The following NKX2-6 variants were observed in gnomAD, a reference collection of about 807,000 sequenced individuals.
The protein encoded by NKX2-6 is NK2 homeobox 6.
NKX2-6 carries 8 observed loss-of-function variants against 8.6 expected under a neutral mutation model. The observed-to-expected ratio is 0.93, with a 90% CI of 0.54 to 1.67. NKX2-6 has a LOEUF of 1.67. NKX2-6 is among the 40% of genes most tolerant of loss of function. NKX2-6 has a pLI of 0.00. For missense variants in NKX2-6, 475 were observed against 423.1 expected, an observed-to-expected ratio of 1.12 and a Z score of -1.08; for synonymous variants, 210 against 199.3, an observed-to-expected ratio of 1.05 and a Z score of -0.45.
Position 23,702,320 on chromosome 8 carries a change from T to A in NKX2-6, c.*131A>T. On this transcript the variant is annotated 3_prime_UTR_variant, in exon 2 of 2. Coordinates refer to ENST00000325017, the MANE Select transcript of NKX2-6 (RefSeq NM_001136271.3). ...GTGGTGCAGATCGCAGTTTCAGAGA[T>A]CCCTCCGGAAAGAAGCGCCGTTGGG... 1 of 1,020,806 alleles carries A rather than the reference T, an allele frequency of 9.8e-7. No individual in the cohort carries two copies. The highest frequency in any genetic ancestry group is 1.9e-5 in the South Asian group (1 of 53,282). 63.2% of individuals were successfully genotyped at this position (1,020,806 alleles called of 1,614,324 possible). A position where few individuals can be genotyped will look rare whatever the true frequency, so the allele number is the denominator to read the frequency against.
rs750993157 is a variant in NKX2-6, at chr8:23,706,546, C to T, written c.53G>A (p.Arg18Gln). ...GGGGCAGCTCCGCTCGCGCTCCAGT[C>T]GCAGGATGTCCTTGACCGAGAAGGG... ...STPFSVKDILRLERERSCPAA... is the reference protein window; with the variant it reads ...STPFSVKDILQLERERSCPAA... Residue 18 changes from arginine (R) to glutamine (Q), a missense_variant, in exon 1 of 2, where the codon CGA becomes CAA. Physicochemically the swap from Arg to Gln is conservative, Grantham distance 43 (BLOSUM62 1). Transcript: ENST00000325017. The T allele has an allele frequency of 2.6e-6, 4 of 1,536,542 alleles. 1 individual carries two copies. The highest frequency in any genetic ancestry group is 2.4e-5 in the South Asian group (2 of 84,054).
Position 23,706,288 on chromosome 8 carries a change from TC to T in NKX2-6, c.274+36del, listed in dbSNP as rs749203138. The stretch of plus-strand genomic sequence containing the variant: ...ATGGATCACGCCCCCGCCCCCACAT[TC>T]CCCCCGTAGGAGGCAAGACCTGAGC... On this transcript the variant is annotated intron_variant, in intron 1 of 1. Coordinates refer to ENST00000325017, the MANE Select transcript of NKX2-6 (RefSeq NM_001136271.3). 21 of 1,475,234 alleles carry T rather than the reference TC, an allele frequency of 1.4e-5. No homozygotes were observed. In the South Asian group the frequency reaches 1.6e-4, roughly 11 times the overall value. 91.4% of individuals were successfully genotyped at this position (1,475,234 alleles called of 1,614,324 possible).
chr8:23,702,627 A>G lies in NKX2-6; in HGVS notation c.730T>C (p.Tyr244His), dbSNP rs1322800785. Residue 244 changes from tyrosine to histidine, a missense_variant, in exon 2 of 2, where the codon TAC becomes CAC. By Grantham distance (83) the Tyr-to-His change is moderately conservative. Transcript: ENST00000325017. ...TAGGGTGCTCCGCTGTAGCCTCCGTAGCAAGAGTAGGGCGACACTGCTGCA... is the reference window on the plus strand; with the variant it reads ...TAGGGTGCTCCGCTGTAGCCTCCGTGGCAAGAGTAGGGCGACACTGCTGCA... The part of the protein sequence containing the change: ...YSAAVSPYSC[Y>H]GGYSGAPYGA... The G allele has an allele frequency of 6.5e-7, 1 of 1,549,000 alleles. No homozygotes were observed. The highest frequency in any genetic ancestry group is 1.2e-5 in the South Asian group (1 of 83,980).
Position 23,702,565 on chromosome 8 carries a change from G to T in NKX2-6, c.792C>A (p.Pro264=). The change falls in exon 2 of 2, where the codon CCC becomes CCA. Residue 264 remains proline (P), a synonymous_variant. Coordinates refer to ENST00000325017, the MANE Select transcript of NKX2-6 (RefSeq NM_001136271.3). Reference sequence around the variant, plus strand: ...GTGGTGTGTGTGGCGCAGGACCCGAGGGCGCGCCCGCGTAGCAGGTGCCGT... The same window carrying T: ...GTGGTGTGTGTGGCGCAGGACCCGATGGCGCGCCCGCGTAGCAGGTGCCGT... ...AGYGTCYAGA[P]SGPAPHTPLA... is the part of the protein sequence containing the mutation. 6.5e-7 allele frequency: 1 copy of T among 1,544,152 alleles called. No homozygotes were observed.
In NKX2-6 at chr8:23,702,371, C is replaced by G; in HGVS notation, c.*80G>C. The G allele has an allele frequency of 7.3e-7, 1 of 1,378,014 alleles. No homozygotes were observed. The highest frequency in any genetic ancestry group is 9.5e-7 in the Non-Finnish European group (1 of 1,052,796). The allele number at this position is 1,378,014 out of a possible 1,614,324, so 85.4% of individuals were successfully genotyped here. Reference sequence around the variant, plus strand: ...TAGCAGCTTCCTTCCAGCGCCGCGTCCCCTCCTTGTCACGACCTGCGGGCG... The same window carrying G: ...TAGCAGCTTCCTTCCAGCGCCGCGTGCCCTCCTTGTCACGACCTGCGGGCG... On this transcript the variant is annotated 3_prime_UTR_variant, in exon 2 of 2. Coordinates refer to ENST00000325017, the MANE Select transcript of NKX2-6 (RefSeq NM_001136271.3).
At position 23,706,374 on chromosome 8, in the gene NKX2-6, AC is replaced by A; in HGVS notation, c.224del (p.Gly75ValfsTer21). On this transcript the variant is annotated frameshift_variant, in exon 1 of 2. Coordinates refer to ENST00000325017, the MANE Select transcript of NKX2-6 (RefSeq NM_001136271.3). LOFTEE classifies it low-confidence loss of function (END_TRUNC). ...RKLDGSEPPG[G>X]PCEAVLEMDA... ...CCATCTCCAAGACTGCCTCACAGGG[AC>A]CCCCAGGAGGCTCCGAACCATCCAG... The A allele has an allele frequency of 1.3e-6, 2 of 1,550,788 alleles. No homozygotes were observed. The highest frequency in any genetic ancestry group is 1.7e-6 in the Non-Finnish European group (2 of 1,146,866).
At chr8:23,706,128 A>C (rs574119841) in intron 1 of NKX2-6, among the ~76,000 whole-genome samples, 197 bp downstream of exon 1, 10 of 152,286 alleles carry the variant, frequency 6.6e-5, no homozygotes, top group African/African-American at 1.9e-4. Flanking sequence ...TACTTTCGTT[A>C]GGGGTGTGTG....
chr8:23,702,517 G>C lies in NKX2-6; in HGVS notation c.840C>G (p.His280Gln). 1 of 1,533,448 alleles carries C rather than the reference G, an allele frequency of 6.5e-7. No homozygotes were observed. The highest frequency in any genetic ancestry group is 8.8e-7 in the Non-Finnish European group (1 of 1,139,918). 95.0% of individuals were successfully genotyped at this position (1,533,448 alleles called of 1,614,324 possible). Residue 280 changes from histidine to glutamine, a missense_variant, in exon 2 of 2, where the codon CAC (histidine) becomes CAG (glutamine). Transcript: ENST00000325017. ...CCTGCGGGGTGGCATTCTGGCCACC[G>C]TGTCCGAAGCCCGCGCTGGCCAGTG... ...HTPLASAGFG[H>Q]GGQNATPQGH... is the part of the protein sequence containing the mutation.
At chr8:23,705,500 C>CCT (rs2117599209) in intron 1 of NKX2-6, among the ~76,000 whole-genome samples, 1 of 152,310 alleles carries the variant, frequency 6.6e-6, no homozygotes, top group South Asian at 2.1e-4. Flanking sequence ...GAATATCGGG[C>CCT]CTCTCCAGCT....
In NKX2-6 at chr8:23,705,508, G is replaced by C. The variant is rs533624113; in HGVS notation, c.274+817C>G. On this transcript the variant is annotated intron_variant, in intron 1 of 1. Transcript: ENST00000325017. ...TCCCTTGGAATATCGGGCCTCTCCA[G>C]CTGAAGCCTCCGGATCGACACAACA... Among the ~76,000 whole-genome samples the C allele has an allele frequency of 2.6e-5, 4 of 152,314 alleles. No individual in the cohort carries two copies. The South Asian group carries it at 8.3e-4, about 32-fold the overall frequency.
Position 23,706,345 on chromosome 8 carries a change from G to A in NKX2-6, c.254C>T (p.Ala85Val). The stretch of plus-strand genomic sequence containing the variant: ...CTCACGTGGCTCCCCCATCCGTTCC[G>A]CGTCCATCTCCAAGACTGCCTCACA... ...GPCEAVLEMD[A>V]ERMGEPQPGL... The change falls in exon 1 of 2, where the codon GCG becomes GTG. Residue 85 changes from alanine (A) to valine (V), a missense_variant. Coordinates refer to ENST00000325017, the MANE Select transcript of NKX2-6 (RefSeq NM_001136271.3). 1 of 1,547,276 alleles carries A rather than the reference G, an allele frequency of 6.5e-7. No homozygotes were observed. Among genetic ancestry groups the A allele is most frequent in the Non-Finnish European group, 8.7e-7 (1 of 1,144,636 alleles).
In NKX2-6 at chr8:23,703,128, C is replaced by T. The variant is rs1801036444; in HGVS notation, c.275-46G>A. ...ACATCAGCGCCCAGCCTAAGGCTCA[C>T]CTGAGCGGTTCCTACTTAGTTTTCA... On this transcript the variant is annotated intron_variant, in intron 1 of 1. Transcript: ENST00000325017. The T allele has an allele frequency of 2.6e-6, 4 of 1,513,820 alleles. No homozygotes were observed. The South Asian group carries it at 3.7e-5, about 14-fold the overall frequency. 93.8% of individuals were successfully genotyped at this position (1,513,820 alleles called of 1,614,324 possible). A position where few individuals can be genotyped will look rare whatever the true frequency, so the allele number is the denominator to read the frequency against.
rs1469146114 is a variant in NKX2-6 at position 23,706,470 on chromosome 8, G to A, written c.129C>T (p.Tyr43=). 1.3e-6 allele frequency: 2 copies of A among 1,544,066 alleles called. No homozygotes were observed. The highest frequency in any genetic ancestry group is 2.0e-5 in the Admixed American group (1 of 50,986). Residue 43 remains tyrosine, a synonymous_variant, in exon 1 of 2, where the codon TAC becomes TAT. Coordinates refer to ENST00000325017, the MANE Select transcript of NKX2-6 (RefSeq NM_001136271.3). ...RVRKSPENFQ[Y]LRMDAEPRGS... ...CTCGCGGCTCTGCGTCCATTCTCAG[G>A]TACTGAAAGTTTTCCGGGCTCTTCC...
At chr8:23,704,999 GCCGGCCTCGGGT>G (rs1040800390) in intron 1 of NKX2-6, among the ~76,000 whole-genome samples, 6 of 152,220 alleles carry the variant, frequency 3.9e-5, no homozygotes, top group South Asian at 2.1e-4. Context: ...AGTTCCTGGA[GCCGGCCTCGGGT>G]CCGGCCTCGG....
In NKX2-6 at chr8:23,702,619, G is replaced by A; in HGVS notation, c.738C>T (p.Gly246=). The A allele has an allele frequency of 1.3e-6, 2 of 1,548,718 alleles. No individual in the cohort carries two copies. Among genetic ancestry groups the A allele is most frequent in the Non-Finnish European group, 1.7e-6 (2 of 1,146,202 alleles). The stretch of plus-strand genomic sequence containing the variant: ...CTGCGCCGTAGGGTGCTCCGCTGTA[G>A]CCTCCGTAGCAAGAGTAGGGCGACA... ...AAVSPYSCYG[G]YSGAPYGAGY... Residue 246 remains glycine (G), a synonymous_variant, in exon 2 of 2, where the codon GGC becomes GGT. Coordinates refer to ENST00000325017, the MANE Select transcript of NKX2-6 (RefSeq NM_001136271.3).
chr8:23,702,434 A>G lies in NKX2-6; in HGVS notation c.*17T>C. 6.9e-7 allele frequency: 1 copy of G among 1,439,378 alleles called. No homozygotes were observed. Among genetic ancestry groups the G allele is most frequent in the South Asian group, 1.5e-5 (1 of 68,340 alleles). The allele number at this position is 1,439,378 out of a possible 1,614,324, so 89.2% of individuals were successfully genotyped here. A position where few individuals can be genotyped will look rare whatever the true frequency, so the allele number is the denominator to read the frequency against. ...ACGAGCATCTGGCCCTGGTTGGCAG[A>G]GTCAAGCCGAGGAGCCTCACCAGGC... On this transcript the variant is annotated 3_prime_UTR_variant, in exon 2 of 2. Coordinates refer to ENST00000325017, the MANE Select transcript of NKX2-6 (RefSeq NM_001136271.3).
chr8:23,704,240 C>T (rs1285151615), intron 1 of NKX2-6, among the ~76,000 whole-genome samples: 1 of 152,180 alleles, frequency 6.6e-6, no homozygotes, highest in Non-Finnish European at 1.5e-5. Flanking sequence ...TTGAGAGATA[C>T]ATAAAGTTGA....
Position 23,702,472 on chromosome 8 carries a change from C to G in NKX2-6, c.885G>C (p.Leu295=). ...AGCCTCACCAGGCCCTGACACCCTG[C>G]AGCGTGGCTGCCAGATGGCCCTGCG... ...ATPQGHLAAT[L]QGVRAW is the part of the protein sequence containing the mutation. Residue 295 remains leucine, a synonymous_variant, in exon 2 of 2, where the codon CTG becomes CTC. Coordinates refer to ENST00000325017, the MANE Select transcript of NKX2-6 (RefSeq NM_001136271.3). The G allele has an allele frequency of 6.7e-7, 1 of 1,490,348 alleles. No homozygotes were observed. Among genetic ancestry groups the G allele is most frequent in the Non-Finnish European group, 8.9e-7 (1 of 1,118,418 alleles). 92.3% of individuals were successfully genotyped at this position (1,490,348 alleles called of 1,614,324 possible).
chr8:23,704,107 C>T (rs1801055222), intron 1 of NKX2-6, among the ~76,000 whole-genome samples: 1 of 152,180 alleles, frequency 6.6e-6, no homozygotes, highest in African/African-American at 2.4e-5. Context: ...CAGCGCTCCA[C>T]CAACACCAGG....
Sources: allele counts gnomAD v4.1 joint callset (sites outside exome capture counted in the v4.1 genomes callset), GRCh38; gene constraint gnomAD v4.1.1; transcripts MANE v1.5; gene names NCBI Gene and HGNC (gene_info 2026-07-23, HGNC 2026-07-21).